KCTD1: variants seen among roughly 807,000 people sequenced by gnomAD.
KCTD1 encodes BTB/POZ domain-containing protein KCTD1.
In KCTD1, 24 loss-of-function variants were observed where a neutral mutation model predicts 66.0. The observed-to-expected ratio is 0.36, with a 90% CI of 0.26 to 0.51. The LOEUF is 0.51. KCTD1 is among the 20% of genes least tolerant of loss of function. The probability of loss-of-function intolerance (pLI) is 0.95; values close to 1 mark genes in which losing one functional copy is unlikely to be tolerated. For missense variants in KCTD1, 943 were observed against 1,205.2 expected (o/e 0.78, Z 3.22); for synonymous variants, 511 against 517.2 (o/e 0.99, Z 0.16).
At chr18:26,648,394 T>G (rs1987968684) in intron 1 of KCTD1, among the ~76,000 whole-genome samples, 1 of 152,234 alleles carries the variant, frequency 6.6e-6, no homozygotes. Flanking sequence ...ATACTCTCAC[T>G]GCGGATTTCT....
intron 1 of KCTD1, among the ~76,000 whole-genome samples, chr18:26,590,839 T>C (rs934593379): frequency 7.2e-5 from 11 of 152,182 alleles, no homozygotes; most frequent in South Asian, 2.1e-4. Context: ...AGGTCCTACA[T>C]GGTATCTCTT....
At chr18:26,549,219 C>CT (rs988178333), upstream of KCTD1, 5 of 985,810 alleles carry the variant, frequency 5.1e-6, no homozygotes, top group Admixed American at 3.1e-4. Flanking sequence ...ATGGGGCTGG[C>CT]GGCGGCGGCG....
chr18:26,580,232 C>T (rs1465333493), intron 1 of KCTD1, among the ~76,000 whole-genome samples: 3 of 152,100 alleles, frequency 2.0e-5, no homozygotes, highest in East Asian at 1.9e-4. Context: ...ACAAGAATCA[C>T]GCGAATGCAT....
At chr18:26,524,067 C>A (rs963048422) in intron 1 of KCTD1, among the ~76,000 whole-genome samples, 5 of 152,230 alleles carry the variant, frequency 3.3e-5, no homozygotes, top group Non-Finnish European at 5.9e-5. Context: ...TCATAAACTT[C>A]TCAATTATTA....
chr18:26,649,252 G>A (rs923524785), intron 1 of KCTD1, among the ~76,000 whole-genome samples: 7 of 152,192 alleles, frequency 4.6e-5, no homozygotes, highest in African/African-American at 7.2e-5. Flanking sequence ...TCTCAACCCA[G>A]AGCATGGTAG....
chr18:26,593,085 C>T (rs183861146), intron 1 of KCTD1, among the ~76,000 whole-genome samples: 2 of 152,312 alleles, frequency 1.3e-5, no homozygotes, highest in Admixed American at 6.5e-5. Context: ...TCGTCCCCCT[C>T]TGGGCTTCAA....
rs773609168 is a variant in KCTD1 at position 26,548,319 on chromosome 18, C to G, written c.218G>C (p.Gly73Ala). The G allele has an allele frequency of 6.7e-7, 1 of 1,499,154 alleles. No homozygotes were observed. The highest frequency in any genetic ancestry group is 2.1e-5 in the Admixed American group (1 of 48,768). 92.9% of individuals were successfully genotyped at this position (1,499,154 alleles called of 1,614,324 possible). A position where few individuals can be genotyped will look rare whatever the true frequency, so the allele number is the denominator to read the frequency against. The change falls in exon 1 of 5, where the codon GGG becomes GCG. Residue 73 changes from glycine to alanine, a missense_variant. Gly to Ala is a moderately conservative substitution (Grantham distance 60). Around this residue, in one of 10 missense-constraint regions of KCTD1, gnomAD observed 236 missense variants for 206.6 expected, o/e 1.14. Transcript: ENST00000580059. The stretch of plus-strand genomic sequence containing the variant: ...TCCGTCCTCCTCCTCCTCCTCGTCC[C>G]CCGTTATCTGCACCTCCTGGATCTC... ...EDEIQEVQIT[G>A]DEEEEEDGGG...
At chr18:26,578,217 G>A (rs922980069) in intron 1 of KCTD1, among the ~76,000 whole-genome samples, 2 of 151,422 alleles carry the variant, frequency 1.3e-5, no homozygotes, top group African/African-American at 2.4e-5. Context: ...CACCACACCC[G>A]GCTAATTCCA....
At chr18:26,653,796 C>T (rs989511205) in intron 1 of KCTD1, among the ~76,000 whole-genome samples, 2 of 152,146 alleles carry the variant, frequency 1.3e-5, no homozygotes, top group Non-Finnish European at 1.5e-5. Context: ...AAAGCCAGAG[C>T]GAGTTGTGTC....
rs1394603432 is a variant in KCTD1 at position 26,548,243 on chromosome 18, C to T, written c.294G>A (p.Gly98=). 12 of 1,514,506 alleles carry T rather than the reference C, an allele frequency of 7.9e-6. No individual in the cohort carries two copies. Among genetic ancestry groups the T allele is most frequent in the African/African-American group, 4.2e-5 (3 of 72,176 alleles). The allele number at this position is 1,514,506 out of a possible 1,614,324, so 93.8% of individuals were successfully genotyped here. ...GCTCCAGGGGCTCGTCCCAGTCCAG[C>T]CCCATCTCCTCCTCTTCCTCCTCCT... ...DEEEEEEEEM[G]LDWDEPLEPE... The change falls in exon 1 of 5, where the codon GGG becomes GGA. Residue 98 remains glycine, a synonymous_variant. Transcript: ENST00000580059.
chr18:26,534,941 C>G (rs943976896), intron 1 of KCTD1, among the ~76,000 whole-genome samples: 1 of 152,154 alleles, frequency 6.6e-6, no homozygotes, highest in Non-Finnish European at 1.5e-5. Flanking sequence ...CTTGTGTTAT[C>G]TGTCATCACC....
chr18:26,584,662 G>A (rs1986432707), intron 1 of KCTD1, among the ~76,000 whole-genome samples: 1 of 152,096 alleles, frequency 6.6e-6, no homozygotes, highest in Non-Finnish European at 1.5e-5. Flanking sequence ...AGTGCAAGAG[G>A]AATATGAGAA....
At chr18:26,643,758 G>C (rs7241559), upstream of KCTD1, among the ~76,000 whole-genome samples, 4,138 of 152,164 alleles carry the variant, frequency 0.027, 115 homozygotes, top group African/African-American at 0.07. Flanking sequence ...GTCAGGAGAT[G>C]GAGACCATCC....
upstream of KCTD1, among the ~76,000 whole-genome samples, chr18:26,552,669 G>A (rs1043074324): frequency 6.6e-6 from 1 of 152,182 alleles, no homozygotes; most frequent in Non-Finnish European, 1.5e-5. Context: ...TATTGCAGAA[G>A]TAGAGTGAGG....
intron 3 of KCTD1, among the ~76,000 whole-genome samples, chr18:26,469,244 A>AGCT (rs1980921110): frequency 6.6e-6 from 1 of 151,740 alleles, no homozygotes; most frequent in Non-Finnish European, 1.5e-5. Flanking sequence ...TGGTACTTAG[A>AGCT]ATTGATAAAT....
In KCTD1 at chr18:26,455,889, A is replaced by C. The variant is rs762673081; in HGVS notation, c.2452T>G (p.Leu818Val). 5 of 1,613,610 alleles carry C rather than the reference A, an allele frequency of 3.1e-6. No homozygotes were observed. Among genetic ancestry groups the C allele is most frequent in the Non-Finnish European group, 4.2e-6 (5 of 1,179,680 alleles). ...HLNSVQVLERLQQRGFEIVGS... is the reference protein window; with the variant it reads ...HLNSVQVLERVQQRGFEIVGS... ...ACGATTTCAAATCCTCTTTGCTGCA[A>C]CCTCTCGAGGACCTGCGAGGGAACA... The change falls in exon 5 of 5, where the codon TTG (leucine) becomes GTG (valine). Residue 818 changes from leucine to valine, a missense_variant. By Grantham distance (32) the Leu-to-Val change is conservative. This residue lies in a region of KCTD1 where 162 missense variants were observed against 232.4 expected (regional missense o/e 0.70). Transcript: ENST00000580059.
chr18:26,631,609 A>G (rs748046124), upstream of KCTD1, among the ~76,000 whole-genome samples: 3 of 152,242 alleles, frequency 2.0e-5, no homozygotes, highest in Non-Finnish European at 2.9e-5. Flanking sequence ...TAATACAAAC[A>G]TATCAGTAAA....
intron 1 of KCTD1, among the ~76,000 whole-genome samples, chr18:26,653,251 G>T (rs956492284): frequency 1.3e-5 from 2 of 152,132 alleles, no homozygotes; most frequent in Non-Finnish European, 2.9e-5. Context: ...TGCTTCCTCC[G>T]TCTCTTACTC....
intron 4 of KCTD1, chr18:26,458,542 A>G (rs1360476210): frequency 1.1e-4 from 16 of 152,280 alleles, no homozygotes; most frequent in Non-Finnish European, 1.5e-5. Flanking sequence ...GAGGATTAAC[A>G]GTGCTTACCT....
Sources: allele counts gnomAD v4.1 joint callset (sites outside exome capture counted in the v4.1 genomes callset), GRCh38; gene constraint gnomAD v4.1.1; regional missense constraint gnomAD v4.1.1; transcripts MANE v1.5; gene names NCBI Gene and HGNC (gene_info 2026-07-23, HGNC 2026-07-21).